PALM2AKAP2: variants seen among roughly 807,000 people sequenced by gnomAD.
PALM2AKAP2 encodes the protein PALM2-AKAP2 fusion protein.
PALM2AKAP2 carries 37 observed loss-of-function variants against 71.5 expected under a neutral mutation model. The observed-to-expected ratio is 0.52, with a 90% CI of 0.40 to 0.68. The LOEUF (loss-of-function observed/expected upper bound fraction) is 0.68, where lower values mean the gene tolerates loss of function less well. PALM2AKAP2 is among the 30% of genes least tolerant of loss of function. PALM2AKAP2 has a pLI of 0.00. For synonymous variants in PALM2AKAP2, 468 were observed against 478.8 expected (o/e 0.98, Z 0.29); for missense variants, 1,224 against 1,191.8 (o/e 1.03, Z -0.40).
At chr9:109,988,590 GA>G (rs1832419955) in intron 6 of PALM2AKAP2, among the ~76,000 whole-genome samples, 2 of 71,028 alleles carry the variant, frequency 2.8e-5, no homozygotes, top group Non-Finnish European at 4.1e-5. Flanking sequence ...AAAAAAGGAA[GA>G]AAGGAAGGAA....
At chr9:109,666,945 T>C (rs74926385) in intron 1 of PALM2AKAP2, among the ~76,000 whole-genome samples, 2,120 of 152,200 alleles carry the variant, frequency 0.014, 60 homozygotes, top group African/African-American at 0.049. Context: ...AAAATAAATG[T>C]TTAGAAAGGA....
At chr9:109,837,808 C>T (rs1233379427) in intron 1 of PALM2AKAP2, among the ~76,000 whole-genome samples, 1 of 152,162 alleles carries the variant, frequency 6.6e-6, no homozygotes, top group Non-Finnish European at 1.5e-5. Flanking sequence ...GTAAAGGGAT[C>T]AATTCAACAA....
At chr9:110,065,317 C>T (rs1834054791) in intron 1 of PALM2AKAP2, among the ~76,000 whole-genome samples, 1 of 152,198 alleles carries the variant, frequency 6.6e-6, no homozygotes, top group Non-Finnish European at 1.5e-5. Context: ...CAACCTTGAT[C>T]TCCTGGGCCC....
chr9:109,867,409 G>A, intron 1 of PALM2AKAP2, 82 bp from the exon 2 acceptor site: 8 of 1,500,116 alleles, frequency 5.3e-6, no homozygotes, highest in Non-Finnish European at 7.3e-6. Flanking sequence ...GATGTGTGCT[G>A]CTGCTGCTGC....
intron 1 of PALM2AKAP2, among the ~76,000 whole-genome samples, chr9:110,058,203 A>G (rs908736489): frequency 6.6e-6 from 1 of 152,242 alleles, no homozygotes; most frequent in Admixed American, 6.5e-5. Context: ...AGTAGATCTT[A>G]AAGGAGTTGA....
intron 1 of PALM2AKAP2, among the ~76,000 whole-genome samples, chr9:109,814,724 A>C (rs775023110): frequency 1.3e-5 from 2 of 152,228 alleles, no homozygotes; most frequent in Non-Finnish European, 2.9e-5. Context: ...GTGGCAATTT[A>C]ATTTTGAACA....
chr9:109,824,422 C>A (rs1298439562), intron 1 of PALM2AKAP2, among the ~76,000 whole-genome samples: 1 of 152,210 alleles, frequency 6.6e-6, no homozygotes, highest in Non-Finnish European at 1.5e-5. Flanking sequence ...GTCTGATCAC[C>A]ACTGCCTCTG....
chr9:109,991,669 AAAG>A (rs1458134193), intron 6 of PALM2AKAP2, among the ~76,000 whole-genome samples: 3 of 152,330 alleles, frequency 2.0e-5, no homozygotes, highest in Admixed American at 6.5e-5. Flanking sequence ...TATACATCTC[AAAG>A]AAGAAGATAT....
At chr9:109,662,952 C>T (rs1227219923) in intron 1 of PALM2AKAP2, among the ~76,000 whole-genome samples, 5 of 152,222 alleles carry the variant, frequency 3.3e-5, no homozygotes, top group African/African-American at 7.2e-5. Flanking sequence ...AGTTTATTTG[C>T]GTAGAGGTGT....
At chr9:110,097,889 G>A (rs1481609802) in intron 1 of PALM2AKAP2, among the ~76,000 whole-genome samples, 1 of 140,580 alleles carries the variant, frequency 7.1e-6, no homozygotes, top group Non-Finnish European at 1.5e-5. Flanking sequence ...CTGAGTGAAG[G>A]AGACTCCGTC....
At chr9:109,794,335 A>G (rs1306614368) in intron 1 of PALM2AKAP2, among the ~76,000 whole-genome samples, 2 of 151,806 alleles carry the variant, frequency 1.3e-5, no homozygotes. Flanking sequence ...AGTCCATACA[A>G]TTAAAAACAT....
chr9:109,826,937 A>C (rs1201419027), intron 1 of PALM2AKAP2, among the ~76,000 whole-genome samples: 1 of 152,168 alleles, frequency 6.6e-6, no homozygotes, highest in Non-Finnish European at 1.5e-5. Flanking sequence ...CTCCTGATTG[A>C]TTATGAAATG....
At chr9:109,826,731 G>A (rs1828159536) in intron 1 of PALM2AKAP2, among the ~76,000 whole-genome samples, 2 of 152,148 alleles carry the variant, frequency 1.3e-5, no homozygotes, top group Admixed American at 1.3e-4. Flanking sequence ...TTGCCTGTAA[G>A]TGTGAATAGG....
At chr9:109,968,229 C>T (rs1317990189) in intron 6 of PALM2AKAP2, among the ~76,000 whole-genome samples, 1 of 152,204 alleles carries the variant, frequency 6.6e-6, no homozygotes, top group Non-Finnish European at 1.5e-5. Context: ...CACCATGGCC[C>T]TGGGGGTCTG....
At chr9:109,966,176 G>A (rs1831944920) in intron 6 of PALM2AKAP2, among the ~76,000 whole-genome samples, 2 of 152,122 alleles carry the variant, frequency 1.3e-5, no homozygotes, top group South Asian at 4.2e-4. Context: ...TCGGCAGAAA[G>A]ATCAATCTGG....
chr9:109,847,317 G>A lies in PALM2AKAP2; in HGVS notation c.46-20174G>A, dbSNP rs75287062. Among the ~76,000 whole-genome samples, 17 of 152,288 alleles carry A rather than the reference G, an allele frequency of 1.1e-4. No homozygotes were observed. In the East Asian group the frequency reaches 3.3e-3, roughly 29 times the overall value. On this transcript the variant is annotated intron_variant, in intron 1 of 9. Transcript: ENST00000302798. ...TTAGAGGGATGCACCCCTAAGTCAG[G>A]GAATGCCAGCAGCTGCCAGAAGCTT... is the stretch of plus-strand genomic sequence containing the variant.
intron 3 of PALM2AKAP2, among the ~76,000 whole-genome samples, chr9:109,880,979 C>A (rs936856874): frequency 1.3e-5 from 2 of 152,084 alleles, no homozygotes; most frequent in African/African-American, 4.8e-5. Context: ...ATTATTTCAC[C>A]ACCCAGGTAT....
chr9:110,039,563 A>G (rs1018916250), intron 7 of PALM2AKAP2, among the ~76,000 whole-genome samples: 3 of 152,190 alleles, frequency 2.0e-5, no homozygotes, highest in Non-Finnish European at 2.9e-5. Flanking sequence ...ACATTTTGCT[A>G]TACCGTAAAA....
intron 1 of PALM2AKAP2, among the ~76,000 whole-genome samples, chr9:109,762,156 A>ATT (rs1164389519): frequency 4.4e-5 from 6 of 137,628 alleles, no homozygotes; most frequent in Non-Finnish European, 6.6e-5. Flanking sequence ...AGAAGGACAG[A>ATT]ATTTTTTTTT....
Sources: gnomAD v4.1 joint callset for allele counts (sites outside exome capture counted in the v4.1 genomes callset) on GRCh38, gnomAD v4.1.1 for gene constraint, MANE v1.5 for transcripts, NCBI Gene and HGNC (gene_info 2026-07-23, HGNC 2026-07-21) for gene names.